Variants in TOGARAM1 observed in about 807,000 individuals in gnomAD.
TOGARAM1 encodes TOG array regulator of axonemal microtubules 1.
A neutral mutation model predicts 166.6 loss-of-function variants in TOGARAM1; 100 were observed. The ratio of observed to expected loss-of-function variants is 0.60; its 90% confidence interval spans 0.51 to 0.71. The LOEUF (loss-of-function observed/expected upper bound fraction) is 0.71. TOGARAM1 is among the 30% of genes least tolerant of loss of function. The pLI, the probability that TOGARAM1 is intolerant of heterozygous loss-of-function variation, is 0.00. For missense variants in TOGARAM1, 2,029 were observed against 2,102.7 expected, an observed-to-expected ratio of 0.96 and a Z score of 0.69; for synonymous variants, 758 against 763.8, an observed-to-expected ratio of 0.99 and a Z score of 0.13.
chr14:45,016,787 T>C (rs1387623455), intron 7 of TOGARAM1, among the ~76,000 whole-genome samples: 1 of 152,316 alleles, frequency 6.6e-6, no homozygotes, highest in Non-Finnish European at 1.5e-5. Flanking sequence ...AAGGGAAAAG[T>C]ATTAAATAAT....
intron 7 of TOGARAM1, among the ~76,000 whole-genome samples, chr14:45,023,312 A>C (rs1371057411): frequency 6.6e-6 from 1 of 152,198 alleles, no homozygotes; most frequent in Non-Finnish European, 1.5e-5. Context: ...GTTGAGTTGC[A>C]CAAGTGTGCA....
chr14:45,073,289 G>C lies in TOGARAM1; in HGVS notation c.5057-7G>C. ...AAAACCCTGTTTTTTATATTTTTAT[G>C]TTTCAGATATTGTTACGGAACTTTA... On this transcript the variant is annotated splice_region_variant and splice_polypyrimidine_tract_variant and intron_variant, in intron 19 of 19. Coordinates refer to ENST00000361462, the MANE Select transcript of TOGARAM1 (RefSeq NM_001308120.2). The C allele has an allele frequency of 6.2e-7, 1 of 1,601,988 alleles. No homozygotes were observed. Among genetic ancestry groups the C allele is most frequent in the African/African-American group, 1.3e-5 (1 of 74,370 alleles).
In TOGARAM1 at chr14:45,054,486, C is replaced by G; in HGVS notation, c.4496C>G (p.Thr1499Ser). 2 of 1,613,606 alleles carry G rather than the reference C, an allele frequency of 1.2e-6. No individual in the cohort carries two copies. The highest frequency in any genetic ancestry group is 8.5e-7 in the Non-Finnish European group (1 of 1,179,732). Residue 1499 changes from threonine (T) to serine (S), a missense_variant, in exon 16 of 20, where the codon ACT becomes AGT. Physicochemically the swap from Thr to Ser is moderately conservative, Grantham distance 58. Transcript: ENST00000361462. Reference protein sequence around the residue: ...TPSAKGRRSHTGSVGNTRSSS... With the variant: ...TPSAKGRRSHSGSVGNTRSSS... ...TCAGCAAAAGGAAGACGATCTCATACTGGCAGTGTTGGAAATACAAGATCA... is the reference window on the plus strand; with the variant it reads ...TCAGCAAAAGGAAGACGATCTCATAGTGGCAGTGTTGGAAATACAAGATCA...
chr14:44,983,597 A>G (rs1317442455), intron 1 of TOGARAM1, among the ~76,000 whole-genome samples: 1 of 152,192 alleles, frequency 6.6e-6, no homozygotes, highest in Non-Finnish European at 1.5e-5. Context: ...ATTAAAAATG[A>G]AAAATAGAAC....
At chr14:45,058,287 T>C (rs545312781) in intron 16 of TOGARAM1, among the ~76,000 whole-genome samples, 3 of 151,948 alleles carry the variant, frequency 2.0e-5, no homozygotes, top group Admixed American at 2.0e-4. Flanking sequence ...CTTCCATTTA[T>C]GTAGAGTGTC....
At chr14:44,964,587 T>C (rs1313092251) in intron 1 of TOGARAM1, 120 bp downstream of exon 1, 1 of 1,175,444 alleles carries the variant, frequency 8.5e-7, no homozygotes, top group African/African-American at 1.5e-5. Context: ...TTAAATTGAT[T>C]TTAAATCCAT....
At chr14:45,014,769 C>T (rs1432201662) in intron 7 of TOGARAM1, among the ~76,000 whole-genome samples, 1 of 152,164 alleles carries the variant, frequency 6.6e-6, no homozygotes, top group African/African-American at 2.4e-5. Context: ...TAATAGAAAA[C>T]ATTTCCACCC....
At chr14:44,981,609 T>A (rs1408558174) in intron 1 of TOGARAM1, among the ~76,000 whole-genome samples, 1 of 152,190 alleles carries the variant, frequency 6.6e-6, no homozygotes, top group Non-Finnish European at 1.5e-5. Context: ...CTTAATGTCC[T>A]CTTAAGTTTT....
intron 15 of TOGARAM1, among the ~76,000 whole-genome samples, 171 bp downstream of exon 15, chr14:45,052,733 A>G (rs113106218): frequency 5.9e-4 from 90 of 152,354 alleles, no homozygotes; most frequent in African/African-American, 2.0e-3. Context: ...GTAGACATAC[A>G]TATTGTCAAG....
At chr14:45,002,950 G>A (rs941418105) in intron 3 of TOGARAM1, among the ~76,000 whole-genome samples, 8 of 152,120 alleles carry the variant, frequency 5.3e-5, no homozygotes, top group Non-Finnish European at 1.2e-4. Context: ...CTGCACTCCA[G>A]CCTGGGCGAC....
At chr14:45,028,431 T>C (rs748764528) in intron 10 of TOGARAM1, 102 bp downstream of exon 10, 38 of 1,260,504 alleles carry the variant, frequency 3.0e-5, no homozygotes, top group Non-Finnish European at 9.9e-6. Flanking sequence ...GAATGAAATA[T>C]CTTATATAAC....
At chr14:45,066,857 C>G (rs1883165601) in intron 17 of TOGARAM1, 90 bp downstream of exon 17, 4 of 1,104,524 alleles carry the variant, frequency 3.6e-6, no homozygotes, top group Non-Finnish European at 5.1e-6. Flanking sequence ...AGAAGGATCT[C>G]TTGAGGCTAG....
At chr14:45,025,973 G>A in intron 8 of TOGARAM1, 101 bp downstream of exon 8, 1 of 577,334 alleles carries the variant, frequency 1.7e-6, no homozygotes, top group Non-Finnish European at 3.0e-6. Context: ...AGTGTTGAGT[G>A]GAACTTCTTT....
chr14:45,035,507 A>G (rs1393612830), intron 11 of TOGARAM1, among the ~76,000 whole-genome samples: 1 of 152,230 alleles, frequency 6.6e-6, no homozygotes, highest in Non-Finnish European at 1.5e-5. Context: ...ATTTGTAGAA[A>G]AAAATGGACA....
At chr14:45,053,988 C>T (rs188237442) in intron 15 of TOGARAM1, among the ~76,000 whole-genome samples, 1 of 152,164 alleles carries the variant, frequency 6.6e-6, no homozygotes, top group African/African-American at 2.4e-5. Flanking sequence ...AAGGAATTCT[C>T]CTGCCTCAGC....
chr14:45,020,938 T>TC (rs746538464), intron 7 of TOGARAM1, among the ~76,000 whole-genome samples: 1 of 152,124 alleles, frequency 6.6e-6, no homozygotes, highest in Non-Finnish European at 1.5e-5. Context: ...GGAGGCACAT[T>TC]CAACAGTTAG....
At chr14:44,983,443 G>T (rs1886633898) in intron 1 of TOGARAM1, among the ~76,000 whole-genome samples, 1 of 152,186 alleles carries the variant, frequency 6.6e-6, no homozygotes, top group Admixed American at 6.5e-5. Context: ...TTAGGATCTT[G>T]TTAAAATACA....
chr14:44,968,707 T>C (rs1453496673), intron 1 of TOGARAM1, among the ~76,000 whole-genome samples: 1 of 152,202 alleles, frequency 6.6e-6, no homozygotes, highest in Non-Finnish European at 1.5e-5. Context: ...TATTAACATA[T>C]AATTATCACC....
At chr14:44,988,132 C>T (rs1417756233) in intron 1 of TOGARAM1, among the ~76,000 whole-genome samples, 1 of 150,100 alleles carries the variant, frequency 6.7e-6, no homozygotes, top group Non-Finnish European at 1.5e-5. Flanking sequence ...GGAGGGATAG[C>T]ATTAGGAGAT....
Sources: gnomAD v4.1 joint callset for allele counts (sites outside exome capture counted in the v4.1 genomes callset) on GRCh38, gnomAD v4.1.1 for gene constraint, MANE v1.5 for transcripts, NCBI Gene and HGNC (gene_info 2026-07-23, HGNC 2026-07-21) for gene names.